KL: variants seen among roughly 807,000 people sequenced by gnomAD.
KL encodes alpha-klotho.
KL carries 62 observed loss-of-function variants against 84.2 expected under a neutral mutation model. The observed-to-expected ratio is 0.74, with a 90% confidence interval of 0.60 to 0.91. KL has a LOEUF of 0.91. KL is among the 40% of genes least tolerant of loss of function. The pLI is 0.00. For synonymous variants in KL, 528 were observed against 528.0 expected, an observed-to-expected ratio of 1.00 and a Z score of 0.00; for missense variants, 1,261 against 1,305.7, an observed-to-expected ratio of 0.97 and a Z score of 0.53.
chr13:33,061,876 T>C (rs1352699176), intron 4 of KL, 96 bp downstream of exon 4: 3 of 1,288,054 alleles, frequency 2.3e-6, no homozygotes, highest in South Asian at 1.2e-5. Context: ...ACTGCCACCC[T>C]TGGAATGGAG....
At chr13:33,016,385 GGGCGCGGGCATAAAGGGGCGC>G, upstream of KL, 1 of 212,798 alleles carries the variant, frequency 4.7e-6, no homozygotes, top group Non-Finnish European at 7.9e-6. Flanking sequence ...GGGCGCGGCG[GGGCGCGGGCATAAAGGGGCGC>G]GGCGCGGGGC....
At position 33,063,909 on chromosome 13, in the gene KL, C is replaced by G. The variant is rs200953302; in HGVS notation, c.2762C>G (p.Thr921Arg). The G allele has an allele frequency of 2.5e-6, 4 of 1,614,216 alleles. No individual in the cohort carries two copies. Among genetic ancestry groups the G allele is most frequent in the Non-Finnish European group, 3.4e-6 (4 of 1,180,034 alleles). The change falls in exon 5 of 5, where the codon ACA becomes AGA. Residue 921 changes from threonine (T) to arginine (R), a missense_variant. By Grantham distance (71) the Thr-to-Arg change is moderately conservative (BLOSUM62 -1). Coordinates refer to ENST00000380099, the MANE Select transcript of KL (RefSeq NM_004795.4). ...TTTGCTTATTCGTTTAACGACCGCA[C>G]AGCTCCGAGGTTTGGCCTCTATCGT... ...GYFAYSFNDR[T>R]APRFGLYRYA...
At chr13:33,034,745 C>T (rs1226661563) in intron 1 of KL, among the ~76,000 whole-genome samples, 1 of 152,082 alleles carries the variant, frequency 6.6e-6, no homozygotes, top group Non-Finnish European at 1.5e-5. Flanking sequence ...CCTGTTGTGC[C>T]CCAAAGTGCT....
intron 3 of KL, among the ~76,000 whole-genome samples, chr13:33,056,619 C>T (rs2138236373): frequency 7.0e-6 from 1 of 142,252 alleles, no homozygotes; most frequent in African/African-American, 2.6e-5. Context: ...CACGGTGAAA[C>T]CCCGTCTCTA....
intron 3 of KL, among the ~76,000 whole-genome samples, chr13:33,058,827 G>C (rs537889015): frequency 6.6e-5 from 10 of 152,158 alleles, no homozygotes; most frequent in African/African-American, 2.4e-4. Context: ...AACTCTGAAC[G>C]CTTCAAAAGA....
chr13:33,019,708 G>GGTGTGT (rs111786826), intron 1 of KL, among the ~76,000 whole-genome samples: 23,537 of 132,376 alleles, frequency 0.18, 2,617 homozygotes, highest in East Asian at 0.25. Flanking sequence ...TGGCAAAAAT[G>GGTGTGT]GTGTGTGTGT....
rs115820091 is a variant in KL, at chr13:33,031,465, C to T, written c.819+14206C>T. On this transcript the variant is annotated intron_variant, in intron 1 of 4. Coordinates refer to ENST00000380099, the MANE Select transcript of KL (RefSeq NM_004795.4). ...AAAATCACATATAGAATATTCTGCACGCTTAATAATGAGGTCATTATTTAT... is the reference window on the plus strand; with the variant it reads ...AAAATCACATATAGAATATTCTGCATGCTTAATAATGAGGTCATTATTTAT... Among the ~76,000 whole-genome samples the T allele has an allele frequency of 5.3e-5, 8 of 152,048 alleles. No homozygotes were observed. The South Asian group carries it at 6.2e-4, about 12-fold the overall frequency.
At chr13:33,055,432 T>C (rs767340507) in intron 3 of KL, 117 bp downstream of exon 3, 25 of 1,334,232 alleles carry the variant, frequency 1.9e-5, no homozygotes, top group Admixed American at 7.5e-5. Flanking sequence ...CCAAAAACAA[T>C]TCCTTATGAG....
intron 1 of KL, among the ~76,000 whole-genome samples, chr13:33,024,111 CAAGACATCTTTCACATATTTGAA>C (rs66991264): frequency 0.14 from 21,147 of 152,016 alleles, 1,580 homozygotes; most frequent in South Asian, 0.17. Context: ...CACTTTTTGA[CAAGACATCTTTCACATATTTGAA>C]AAGACATCTT....
intron 1 of KL, among the ~76,000 whole-genome samples, chr13:33,027,240 C>T (rs1057262716): frequency 6.6e-6 from 1 of 152,204 alleles, no homozygotes; most frequent in African/African-American, 2.4e-5. Context: ...GTGGGTTATA[C>T]TAGGATTTAA....
At position 33,055,109 on chromosome 13, in the gene KL, G is replaced by A. The variant is rs369262610; in HGVS notation, c.1393G>A (p.Glu465Lys). ...YTAWSLMDGFEWHRGYSIRRG... is the reference protein window; with the variant it reads ...YTAWSLMDGFKWHRGYSIRRG... ...CGCATGGTCCCTCATGGATGGTTTC[G>A]AGTGGCACAGAGGTTACAGCATCAG... is the stretch of plus-strand genomic sequence containing the variant. Residue 465 changes from glutamate to lysine, a missense_variant, in exon 3 of 5, where the codon GAG (glutamate) becomes AAG (lysine). Glu to Lys is a moderately conservative substitution (Grantham distance 56). Coordinates refer to ENST00000380099, the MANE Select transcript of KL (RefSeq NM_004795.4). 9.3e-6 allele frequency: 15 copies of A among 1,614,072 alleles called. No homozygotes were observed. Among genetic ancestry groups the A allele is most frequent in the Admixed American group, 1.7e-5 (1 of 60,002 alleles).
At chr13:33,061,801 C>T in intron 4 of KL, 21 bp downstream of exon 4, 9 of 1,610,698 alleles carry the variant, frequency 5.6e-6, no homozygotes, top group Non-Finnish European at 7.6e-6. Context: ...CTAGCTGCGG[C>T]TATCTCCTGA....
At chr13:33,056,446 T>G (rs951607586) in intron 3 of KL, among the ~76,000 whole-genome samples, 1 of 152,202 alleles carries the variant, frequency 6.6e-6, no homozygotes, top group Non-Finnish European at 1.5e-5. Context: ...TGGTTGGGAT[T>G]ATTCTTCTTT....
intron 1 of KL, among the ~76,000 whole-genome samples, chr13:33,046,088 T>C (rs891635957): frequency 6.6e-6 from 1 of 152,218 alleles, no homozygotes; most frequent in Non-Finnish European, 1.5e-5. Flanking sequence ...TCATAAGGGA[T>C]ATTGATCTGT....
chr13:33,019,705 A>T (rs1482295343), intron 1 of KL, among the ~76,000 whole-genome samples: 2 of 114,200 alleles, frequency 1.8e-5, no homozygotes, highest in East Asian at 5.8e-4. Flanking sequence ...CCTTGGCAAA[A>T]ATGGTGTGTG....
At chr13:33,051,602 C>T (rs1443349353) in intron 1 of KL, among the ~76,000 whole-genome samples, 3 of 152,146 alleles carry the variant, frequency 2.0e-5, no homozygotes, top group Non-Finnish European at 4.4e-5. Flanking sequence ...ATATGTCTTT[C>T]CTTATGGCCC....
intron 1 of KL, among the ~76,000 whole-genome samples, chr13:33,027,446 A>C (rs7335456): frequency 0.042 from 6,317 of 152,194 alleles, 333 homozygotes; most frequent in African/African-American, 0.1. Flanking sequence ...GCATTTAAAC[A>C]TCCCTAAATC....
intron 2 of KL, 106 bp from the exon 3 acceptor site, chr13:33,054,941 C>A (rs1871897408): frequency 2.1e-6 from 3 of 1,396,856 alleles, no homozygotes; most frequent in Non-Finnish European, 3.0e-6. Flanking sequence ...AAACGAGAAG[C>A]ATTACACTTT....
intron 1 of KL, among the ~76,000 whole-genome samples, chr13:33,045,827 G>A (rs576914160): frequency 6.1e-4 from 93 of 152,210 alleles, no homozygotes; most frequent in African/African-American, 1.9e-3. Context: ...TCTAGTCGTA[G>A]TTTTCTGAGT....
Sources: gnomAD v4.1 joint callset for allele counts (sites outside exome capture counted in the v4.1 genomes callset) on GRCh38, gnomAD v4.1.1 for gene constraint, MANE v1.5 for transcripts, NCBI Gene and HGNC (gene_info 2026-07-23, HGNC 2026-07-21) for gene names.